Variants in SNTB1 observed in about 807,000 individuals in gnomAD.
SNTB1 encodes syntrophin beta 1.
A neutral mutation model predicts 48.9 loss-of-function variants in SNTB1; 36 were observed. That is an observed-to-expected ratio of 0.74 (90% CI 0.56 to 0.97). The LOEUF is 0.97. Ranked by LOEUF, SNTB1 falls within the 50% of genes least tolerant of loss-of-function variation. The probability of loss-of-function intolerance (pLI) is 0.00; values close to 1 mark genes in which losing one functional copy is unlikely to be tolerated. For missense variants in SNTB1, 786 were observed against 703.4 expected (o/e 1.12, Z -1.33); for synonymous variants, 299 against 294.6 (o/e 1.01, Z -0.15).
At chr8:120,804,410 C>T (rs1469943693) in intron 1 of SNTB1, among the ~76,000 whole-genome samples, 2 of 152,172 alleles carry the variant, frequency 1.3e-5, no homozygotes, top group African/African-American at 4.8e-5. Flanking sequence ...TACCCTACCT[C>T]CTCAATTACT....
intron 2 of SNTB1, chr8:120,635,956 A>G: frequency 1.8e-6 from 1 of 541,618 alleles, no homozygotes. Flanking sequence ...CAAAGCTTTC[A>G]GATATGCCCT....
intron 4 of SNTB1, among the ~76,000 whole-genome samples, chr8:120,573,336 T>G (rs1199056702): frequency 6.6e-6 from 1 of 152,228 alleles, no homozygotes; most frequent in Admixed American, 6.5e-5. Flanking sequence ...ATTAAACACC[T>G]TTTGGACATC....
chr8:120,560,110 A>T (rs538047835), intron 4 of SNTB1, among the ~76,000 whole-genome samples: 1 of 152,336 alleles, frequency 6.6e-6, no homozygotes, highest in South Asian at 2.1e-4. Context: ...GGGGTTTCCC[A>T]GGAACACTCT....
intron 2 of SNTB1, among the ~76,000 whole-genome samples, chr8:120,638,485 C>G (rs1328032603): frequency 6.6e-6 from 1 of 151,772 alleles, no homozygotes; most frequent in East Asian, 1.9e-4. Flanking sequence ...ATACATGTGC[C>G]ATGTTGGTGT....
At chr8:120,731,974 T>C (rs1230558761) in intron 1 of SNTB1, among the ~76,000 whole-genome samples, 7 of 152,208 alleles carry the variant, frequency 4.6e-5, no homozygotes, top group Non-Finnish European at 8.8e-5. Flanking sequence ...GTATAAGCAG[T>C]GAGCAGTGTT....
At chr8:120,636,567 T>G (rs577316001) in intron 2 of SNTB1, among the ~76,000 whole-genome samples, 1 of 146,696 alleles carries the variant, frequency 6.8e-6, no homozygotes, top group African/African-American at 2.5e-5. Flanking sequence ...ACAAAGGACA[T>G]GAACTCATCA....
chr8:120,618,046 A>C (rs569740607), intron 3 of SNTB1, among the ~76,000 whole-genome samples: 1 of 152,310 alleles, frequency 6.6e-6, no homozygotes, highest in African/African-American at 2.4e-5. Flanking sequence ...AAACGAGGCC[A>C]TGCATTTTGC....
At chr8:120,739,348 C>A (rs11992018) in intron 1 of SNTB1, among the ~76,000 whole-genome samples, 3 of 152,046 alleles carry the variant, frequency 2.0e-5, no homozygotes, top group Middle Eastern at 3.2e-3. Context: ...TCTGTGGAAA[C>A]GAGCTAGCCT....
At position 120,757,139 on chromosome 8, in the gene SNTB1, C is replaced by T. The variant is rs149467375; in HGVS notation, c.571+54134G>A. ...CTAATCCCTAATCCTTACAACAACA[C>T]TGAAAGAGGCTGAGTCAATTTCTCA... is the stretch of plus-strand genomic sequence containing the variant. On this transcript the variant is annotated intron_variant, in intron 1 of 6. Coordinates refer to ENST00000517992, the MANE Select transcript of SNTB1 (RefSeq NM_021021.4). Among the ~76,000 whole-genome samples, 8 of 152,324 alleles carry T rather than the reference C, an allele frequency of 5.3e-5. No individual in the cohort carries two copies. The South Asian group carries it at 1.5e-3, about 28-fold the overall frequency.
At chr8:120,580,999 G>C (rs1816038817) in intron 3 of SNTB1, among the ~76,000 whole-genome samples, 1 of 149,708 alleles carries the variant, frequency 6.7e-6, no homozygotes, top group African/African-American at 2.5e-5. Context: ...TGAGGCCTGA[G>C]ACTCATTTTA....
At chr8:120,704,203 A>C (rs1278606181) in intron 1 of SNTB1, among the ~76,000 whole-genome samples, 1 of 152,194 alleles carries the variant, frequency 6.6e-6, no homozygotes, top group Non-Finnish European at 1.5e-5. Context: ...GTAATTCCTG[A>C]ACTTTGGGAG....
intron 1 of SNTB1, among the ~76,000 whole-genome samples, chr8:120,733,382 T>C (rs1257610705): frequency 6.6e-6 from 1 of 152,244 alleles, no homozygotes; most frequent in Non-Finnish European, 1.5e-5. Context: ...TTTTCCTCCA[T>C]ACAACATTGG....
intron 4 of SNTB1, among the ~76,000 whole-genome samples, chr8:120,559,958 G>A (rs916041254): frequency 6.6e-6 from 1 of 151,798 alleles, no homozygotes; most frequent in Non-Finnish European, 1.5e-5. Flanking sequence ...AAAACAACTG[G>A]CCAGATTGCT....
chr8:120,544,314 T>C (rs941900113), intron 5 of SNTB1, among the ~76,000 whole-genome samples: 2 of 152,326 alleles, frequency 1.3e-5, no homozygotes, highest in African/African-American at 4.8e-5. Context: ...TTTGGGGTAT[T>C]TGTGATCCCA....
rs905703100 is a variant in SNTB1, at chr8:120,715,760, C to A, written c.572-21852G>T. 5.9e-5 allele frequency among the ~76,000 whole-genome samples: 9 copies of A among 152,108 alleles called. 1 individual carries two copies. The highest frequency in any genetic ancestry group is 1.2e-4 in the Non-Finnish European group (8 of 68,008). On this transcript the variant is annotated intron_variant, in intron 1 of 6. Transcript: ENST00000517992. ...CTTCTCCTTTCCTTTTTTTCCCCCT[C>A]CTTGTTTCATTTATTGAGTGCGCCC...
chr8:120,740,770 TA>T (rs60530169), intron 1 of SNTB1, among the ~76,000 whole-genome samples: 1 of 152,004 alleles, frequency 6.6e-6, no homozygotes, highest in Non-Finnish European at 1.5e-5. Context: ...CTTTTTTTTT[TA>T]ATCACTTTTT....
chr8:120,606,409 ATGTGTG>A lies in SNTB1; in HGVS notation c.996+26029_996+26034del, dbSNP rs10559437. 3.1e-3 allele frequency among the ~76,000 whole-genome samples: 466 copies of A among 147,956 alleles called. 3 individuals are homozygous for A. Among genetic ancestry groups the A allele is most frequent in the African/African-American group, 0.01 (416 of 40,454 alleles). On this transcript the variant is annotated intron_variant, in intron 3 of 6. Coordinates refer to ENST00000517992, the MANE Select transcript of SNTB1 (RefSeq NM_021021.4). ...ACTATGTCAGTGCGTGTGTGTATATATGTGTGTGTGTGTGTGTGTGTGTGTATATAC... is the reference window on the plus strand; with the variant it reads ...ACTATGTCAGTGCGTGTGTGTATATATGTGTGTGTGTGTGTGTGTATATAC...
intron 1 of SNTB1, among the ~76,000 whole-genome samples, chr8:120,709,024 T>TAA (rs140225740): frequency 0.099 from 14,931 of 151,548 alleles, 731 homozygotes; most frequent in African/African-American, 0.12. Flanking sequence ...ATTGGAAGGT[T>TAA]AAAAATGTTA....
Position 120,632,486 on chromosome 8 carries a change from A to G in SNTB1, c.954T>C (p.Ala318=), listed in dbSNP as rs1484158806. Residue 318 remains alanine (A), a synonymous_variant, in exon 3 of 7, where the codon GCT becomes GCC. Coordinates refer to ENST00000517992, the MANE Select transcript of SNTB1 (RefSeq NM_021021.4). ...CAAGATGCCTAATCTCTCGGCTCCCAGCAATGCCTGTTTTCCCCAGCTGCT... is the reference window on the plus strand; with the variant it reads ...CAAGATGCCTAATCTCTCGGCTCCCGGCAATGCCTGTTTTCCCCAGCTGCT... ...VREQLGKTGI[A]GSREIRHLGW... 6.2e-7 allele frequency: 1 copy of G among 1,614,172 alleles called. No individual in the cohort carries two copies. The highest frequency in any genetic ancestry group is 1.3e-5 in the African/African-American group (1 of 75,056).
Sources: gnomAD v4.1 joint callset for allele counts (sites outside exome capture counted in the v4.1 genomes callset) on GRCh38, gnomAD v4.1.1 for gene constraint, MANE v1.5 for transcripts, NCBI Gene and HGNC (gene_info 2026-07-23, HGNC 2026-07-21) for gene names.